Variants in EFCAB7 observed in about 807,000 individuals in gnomAD.
EFCAB7 encodes EF-hand calcium binding domain 7.
A neutral mutation model predicts 77.1 loss-of-function variants in EFCAB7; 66 were observed. That is an observed-to-expected ratio of 0.86 (90% CI 0.70 to 1.05). The LOEUF is 1.05. EFCAB7 is among the 50% of genes least tolerant of loss of function. EFCAB7 has a pLI of 0.00. For synonymous variants in EFCAB7, 225 were observed against 243.3 expected, an observed-to-expected ratio of 0.92 and a Z score of 0.70; for missense variants, 638 against 730.5, an observed-to-expected ratio of 0.87 and a Z score of 1.46.
chr1:63,565,726 G>C lies in EFCAB7; in HGVS notation c.1498-2584G>C, dbSNP rs189212274. Reference sequence around the variant, plus strand: ...GGGCAAATGAACAGACGCTTTAAAAGAAGATATACCTGCAGCCAACAATCA... The same window carrying C: ...GGGCAAATGAACAGACGCTTTAAAACAAGATATACCTGCAGCCAACAATCA... On this transcript the variant is annotated intron_variant, in intron 11 of 13. Transcript: ENST00000371088. 4.6e-5 allele frequency among the ~76,000 whole-genome samples: 7 copies of C among 152,196 alleles called. No individual in the cohort carries two copies. In the East Asian group the frequency reaches 1.2e-3, roughly 25 times the overall value.
chr1:63,563,033 T>A (rs1647127808), intron 11 of EFCAB7, among the ~76,000 whole-genome samples: 1 of 152,178 alleles, frequency 6.6e-6, no homozygotes, highest in Non-Finnish European at 1.5e-5. Context: ...ACTATTTATA[T>A]CCTACTTGAG....
chr1:63,580,433 T>C, the EFCAB7 span, among the ~76,000 whole-genome samples: 163 of 152,290 alleles, frequency 1.1e-3, 1 homozygote, highest in Non-Finnish European at 1.9e-3. Flanking sequence ...CATTGATCGA[T>C]GTGTCTTTCC....
At chr1:63,572,283 G>A (rs1570449172) in intron 13 of EFCAB7, among the ~76,000 whole-genome samples, 159 bp from the exon 14 acceptor site, 1 of 152,180 alleles carries the variant, frequency 6.6e-6, no homozygotes, top group East Asian at 1.9e-4. Context: ...TTAGACCTCA[G>A]ATCATAGATT....
At chr1:63,556,760 C>T (rs1452607970) in intron 9 of EFCAB7, among the ~76,000 whole-genome samples, 7 of 151,888 alleles carry the variant, frequency 4.6e-5, no homozygotes, top group Non-Finnish European at 7.4e-5. Flanking sequence ...CGGTGGTTCA[C>T]GCCTGTAATC....
At chr1:63,571,368 T>G (rs2100931722) in intron 13 of EFCAB7, among the ~76,000 whole-genome samples, 1 of 152,280 alleles carries the variant, frequency 6.6e-6, no homozygotes, top group East Asian at 1.9e-4. Flanking sequence ...TCTCTCTAAA[T>G]GTAAAATTAA....
In EFCAB7 at chr1:63,551,815, C is replaced by A; in HGVS notation, c.1037C>A (p.Thr346Asn). ...SQANLQLVCF[T>N]ELRNREVFGW... ...GCAAATCTACAGCTTGTGTGTTTTA[C>A]CGAACTACGAAATAGAGAAGTATAC... is the stretch of plus-strand genomic sequence containing the variant. The change falls in exon 8 of 14, where the codon ACC (threonine) becomes AAC (asparagine). Residue 346 changes from threonine to asparagine, a missense_variant. Transcript: ENST00000371088. 6.3e-7 allele frequency: 1 copy of A among 1,588,976 alleles called. No homozygotes were observed.
chr1:63,532,604 C>T, intron 3 of EFCAB7, 66 bp from the exon 4 acceptor site: 2 of 1,250,734 alleles, frequency 1.6e-6, no homozygotes, highest in Non-Finnish European at 2.2e-6. Context: ...TGTGCTTCCA[C>T]TGTCCCCATG....
intron 12 of EFCAB7, chr1:63,568,839 AT>A (rs1375443241): frequency 5.6e-6 from 1 of 178,606 alleles, no homozygotes; most frequent in Non-Finnish European, 1.2e-5. Context: ...ATACATAGCT[AT>A]TTTAATAATA....
chr1:63,583,506 A>G, the EFCAB7 span, among the ~76,000 whole-genome samples: 1 of 152,164 alleles, frequency 6.6e-6, no homozygotes, highest in Non-Finnish European at 1.5e-5. Flanking sequence ...ACGGAACCCC[A>G]TGATTCAACA....
At chr1:63,526,217 A>G (rs1646586795) in intron 2 of EFCAB7, among the ~76,000 whole-genome samples, 1 of 151,996 alleles carries the variant, frequency 6.6e-6, no homozygotes, top group African/African-American at 2.4e-5. Context: ...TTTATTTCTT[A>G]TTTTTATTTT....
chr1:63,543,679 G>A (rs75849021), intron 6 of EFCAB7, among the ~76,000 whole-genome samples: 1,832 of 152,264 alleles, frequency 0.012, 31 homozygotes, highest in African/African-American at 0.042. Flanking sequence ...TGCCTTTGCA[G>A]TGATATAATA....
intron 7 of EFCAB7, among the ~76,000 whole-genome samples, chr1:63,551,391 G>C (rs1646962715): frequency 6.6e-6 from 1 of 152,318 alleles, no homozygotes; most frequent in African/African-American, 2.4e-5. Context: ...AGGAGATCGA[G>C]ACCATCCTGG....
At position 63,546,002 on chromosome 1, in the gene EFCAB7, T is replaced by C. The variant is rs547971206; in HGVS notation, c.891T>C (p.Ala297=). The C allele has an allele frequency of 1.2e-6, 2 of 1,613,880 alleles. No individual in the cohort carries two copies. Among genetic ancestry groups the C allele is most frequent in the South Asian group, 2.2e-5 (2 of 91,070 alleles). Residue 297 remains alanine, a synonymous_variant, in exon 7 of 14, where the codon GCT becomes GCC. Transcript: ENST00000371088. Reference sequence around the variant, plus strand: ...GTCATCAGTACAGGATGCAAATAGCTCAGAGGTCCATGGTTTATCTAACAA... The same window carrying C: ...GTCATCAGTACAGGATGCAAATAGCCCAGAGGTCCATGGTTTATCTAACAA... ...IISHQYRMQI[A]QRSMVYLTIK... is the part of the protein sequence containing the mutation.
the EFCAB7 span, among the ~76,000 whole-genome samples, chr1:63,578,835 C>T: frequency 6.6e-6 from 1 of 152,120 alleles, no homozygotes; most frequent in East Asian, 1.9e-4. Context: ...ACAAGCCAGA[C>T]GCTGCTCCTG....
In EFCAB7 at chr1:63,545,915, G is replaced by A. The variant is rs1363000861; in HGVS notation, c.805-1G>A. On this transcript the variant is annotated splice_acceptor_variant, in intron 6 of 13. Coordinates refer to ENST00000371088, the MANE Select transcript of EFCAB7 (RefSeq NM_032437.4). LOFTEE classifies it high-confidence loss of function. ...TGAAATAATTTTTTCCTTCATTTCA[G>A]GACTGGCAACACATGCAATCAAAAG... 6.2e-7 allele frequency: 1 copy of A among 1,612,734 alleles called. No homozygotes were observed.
intron 12 of EFCAB7, 42 bp from the exon 13 acceptor site, chr1:63,570,975 ATTAT>A: frequency 7.3e-7 from 1 of 1,372,736 alleles, no homozygotes; most frequent in Non-Finnish European, 1.0e-6. Context: ...TTTGTCTGTA[ATTAT>A]TAAAGAAAGG....
chr1:63,549,849 C>G (rs1290605720), intron 7 of EFCAB7: 1 of 162,596 alleles, frequency 6.2e-6, no homozygotes, highest in African/African-American at 2.4e-5. Flanking sequence ...CTACATTATA[C>G]TGAAATTAAA....
In EFCAB7 at chr1:63,561,787, A is replaced by G; in HGVS notation, c.1427A>G (p.Glu476Gly). The change falls in exon 11 of 14, where the codon GAA (glutamate) becomes GGA (glycine). Residue 476 changes from glutamate to glycine, a missense_variant. Coordinates refer to ENST00000371088, the MANE Select transcript of EFCAB7 (RefSeq NM_032437.4). ...DLNLMEANDREGDPCDLWVTL... is the reference protein window; with the variant it reads ...DLNLMEANDRGGDPCDLWVTL... ...AATCTAATGGAAGCTAATGATCGAG[A>G]AGGAGATCCTTGTGACCTTTGGGTA... is the stretch of plus-strand genomic sequence containing the variant. 1 of 1,609,482 alleles carries G rather than the reference A, an allele frequency of 6.2e-7. No individual in the cohort carries two copies. Among genetic ancestry groups the G allele is most frequent in the Non-Finnish European group, 8.5e-7 (1 of 1,176,960 alleles).
the EFCAB7 span, among the ~76,000 whole-genome samples, chr1:63,578,771 T>G: frequency 1.3e-5 from 2 of 151,744 alleles, no homozygotes; most frequent in East Asian, 3.9e-4. Context: ...ATATATAAAT[T>G]GAGTCCCTAA....
Sources: gnomAD v4.1 joint callset for allele counts (sites outside exome capture counted in the v4.1 genomes callset) on GRCh38, gnomAD v4.1.1 for gene constraint, MANE v1.5 for transcripts, NCBI Gene and HGNC (gene_info 2026-07-23, HGNC 2026-07-21) for gene names.